Variants in PHACTR1 observed in about 807,000 individuals in gnomAD.
The protein encoded by PHACTR1 is RPEL repeat containing 1.
PHACTR1 carries 16 observed loss-of-function variants against 69.2 expected under a neutral mutation model. The ratio of observed to expected loss-of-function variants is 0.23; its 90% CI spans 0.16 to 0.35. The LOEUF is 0.35. Among genes scored for constraint, PHACTR1 ranks in the 10% least tolerant of loss-of-function variants. The pLI, the probability that PHACTR1 is intolerant of heterozygous loss-of-function variation, is 1.00. For synonymous variants in PHACTR1, 312 were observed against 284.5 expected, an observed-to-expected ratio of 1.10 and a Z score of -0.97; for missense variants, 510 against 734.7, an observed-to-expected ratio of 0.69 and a Z score of 3.54.
chr6:12,774,545 C>T (rs1269756272), intron 4 of PHACTR1, among the ~76,000 whole-genome samples: 1 of 152,104 alleles, frequency 6.6e-6, no homozygotes, highest in African/African-American at 2.4e-5. Context: ...GTGCCCACCA[C>T]CACACCTGGC....
chr6:13,078,146 G>T (rs991853816), intron 5 of PHACTR1, among the ~76,000 whole-genome samples: 2 of 152,070 alleles, frequency 1.3e-5, no homozygotes, highest in African/African-American at 4.8e-5. Flanking sequence ...CAGTTCCCTA[G>T]AGCTGTTTTT....
intron 4 of PHACTR1, among the ~76,000 whole-genome samples, chr6:12,774,248 A>G (rs1314629158): frequency 6.6e-6 from 1 of 152,200 alleles, no homozygotes; most frequent in Non-Finnish European, 1.5e-5. Flanking sequence ...ACACTCTACA[A>G]TTTGTAAAGT....
intron 9 of PHACTR1, among the ~76,000 whole-genome samples, chr6:13,228,378 C>CT (rs1770174400): frequency 2.0e-5 from 3 of 152,278 alleles, no homozygotes; most frequent in African/African-American, 7.2e-5. Flanking sequence ...CCAAAAAAAA[C>CT]TTTAAGAAGT....
chr6:12,992,813 C>T (rs567691360), intron 4 of PHACTR1, among the ~76,000 whole-genome samples: 29 of 152,236 alleles, frequency 1.9e-4, no homozygotes, highest in African/African-American at 5.8e-4. Flanking sequence ...CGGGGTGGGG[C>T]AGGGGTTTAT....
chr6:13,238,870 C>T (rs1246774648), intron 10 of PHACTR1, among the ~76,000 whole-genome samples: 2 of 152,166 alleles, frequency 1.3e-5, no homozygotes, highest in African/African-American at 4.8e-5. Flanking sequence ...TCAACTTGGA[C>T]TTACTTAGTG....
intron 10 of PHACTR1, among the ~76,000 whole-genome samples, chr6:13,234,468 T>C (rs143687427): frequency 6.6e-6 from 1 of 152,106 alleles, no homozygotes; most frequent in Non-Finnish European, 1.5e-5. Flanking sequence ...GTGGTCCTCA[T>C]GGAGTCAGCA....
intron 4 of PHACTR1, among the ~76,000 whole-genome samples, chr6:12,889,223 T>C (rs1324030746): frequency 1.3e-5 from 2 of 152,178 alleles, no homozygotes; most frequent in African/African-American, 4.8e-5. Context: ...ATTAGCTGTG[T>C]TTATGCCACT....
chr6:12,960,929 T>C (rs35266083), intron 4 of PHACTR1, among the ~76,000 whole-genome samples: 35,321 of 152,076 alleles, frequency 0.23, 5,191 homozygotes, highest in African/African-American at 0.41. Context: ...ATGCCTCTCA[T>C]AAAGCAAACT....
chr6:13,200,568 A>C (rs923943163), intron 7 of PHACTR1, among the ~76,000 whole-genome samples: 1 of 152,200 alleles, frequency 6.6e-6, no homozygotes, highest in Non-Finnish European at 1.5e-5. Flanking sequence ...CTCTGCTCTA[A>C]GAAATAGTGC....
chr6:12,947,917 T>C (rs576989683), intron 4 of PHACTR1, among the ~76,000 whole-genome samples: 1 of 152,386 alleles, frequency 6.6e-6, no homozygotes, highest in Admixed American at 6.5e-5. Flanking sequence ...AGGCTGTTAA[T>C]AACTATTTGT....
chr6:12,994,422 G>A (rs1797180400), intron 4 of PHACTR1, among the ~76,000 whole-genome samples: 1 of 152,066 alleles, frequency 6.6e-6, no homozygotes, highest in Admixed American at 6.6e-5. Flanking sequence ...TGGCTGACTG[G>A]GGTGTTATAC....
chr6:13,107,935 T>C (rs1816438306), intron 5 of PHACTR1, among the ~76,000 whole-genome samples: 1 of 152,114 alleles, frequency 6.6e-6, no homozygotes, highest in Non-Finnish European at 1.5e-5. Flanking sequence ...CTATTGGAAT[T>C]CAATTTGATT....
chr6:13,207,356 A>T (rs936777896), intron 8 of PHACTR1, among the ~76,000 whole-genome samples: 6 of 152,292 alleles, frequency 3.9e-5, no homozygotes, highest in Admixed American at 3.9e-4. Flanking sequence ...GTTCTTGCTG[A>T]TGGAGGAAGC....
In PHACTR1 at chr6:12,783,217, C is replaced by A. The variant is rs531663093; in HGVS notation, c.250+33427C>A. Among the ~76,000 whole-genome samples, 4 of 152,240 alleles carry A rather than the reference C, an allele frequency of 2.6e-5. No homozygotes were observed. The South Asian group carries it at 8.3e-4, about 32-fold the overall frequency. ...TATTGTCATCTCCCTGCATCCATTGCCCAGGTAGGTTGCACGAAAGGCACA... is the reference window on the plus strand; with the variant it reads ...TATTGTCATCTCCCTGCATCCATTGACCAGGTAGGTTGCACGAAAGGCACA... On this transcript the variant is annotated intron_variant, in intron 4 of 14. Coordinates refer to ENST00000332995, the MANE Select transcript of PHACTR1 (RefSeq NM_030948.6).
chr6:12,944,788 T>TTTATTTA (rs1491524747), intron 4 of PHACTR1, among the ~76,000 whole-genome samples: 488 of 47,040 alleles, frequency 0.01, 1 homozygote, highest in Middle Eastern at 0.019. Flanking sequence ...TTTTTATTTA[T>TTTATTTA]TTTTTTTTTT....
chr6:13,201,874 C>A (rs1267058793), intron 7 of PHACTR1, among the ~76,000 whole-genome samples: 1 of 152,218 alleles, frequency 6.6e-6, no homozygotes, highest in African/African-American at 2.4e-5. Flanking sequence ...AAGATAGAGA[C>A]TGCATGGCTA....
chr6:13,002,247 A>C (rs571178726), intron 4 of PHACTR1, among the ~76,000 whole-genome samples: 1 of 152,328 alleles, frequency 6.6e-6, no homozygotes, highest in Non-Finnish European at 1.5e-5. Context: ...TAGCTCAGCT[A>C]TCCTATTTCT....
intron 6 of PHACTR1, among the ~76,000 whole-genome samples, chr6:13,171,613 A>AT (rs1018886831): frequency 7.8e-4 from 119 of 152,166 alleles, no homozygotes; most frequent in African/African-American, 2.6e-3. Context: ...GGTTACTCTG[A>AT]TTGAGGAACT....
intron 5 of PHACTR1, among the ~76,000 whole-genome samples, chr6:13,115,392 TTC>T (rs374784660): frequency 1.3e-5 from 2 of 151,228 alleles, no homozygotes; most frequent in Admixed American, 6.6e-5. Flanking sequence ...CTCTCTCCCT[TTC>T]TCTCTCTCTC....
Sources: allele counts gnomAD v4.1 joint callset (sites outside exome capture counted in the v4.1 genomes callset), GRCh38; gene constraint gnomAD v4.1.1; transcripts MANE v1.5; gene names NCBI Gene and HGNC (gene_info 2026-07-23, HGNC 2026-07-21).